The following TMEM132B variants were observed in gnomAD, a reference collection of about 807,000 sequenced individuals.
The protein encoded by TMEM132B is transmembrane protein 132B.
TMEM132B carries 18 observed loss-of-function variants against 90.8 expected under a neutral mutation model. That is an observed-to-expected ratio of 0.20 (90% CI 0.14 to 0.29). The LOEUF (loss-of-function observed/expected upper bound fraction) is 0.29, where lower values mean the gene tolerates loss of function less well. Ranked by LOEUF, TMEM132B falls within the 10% of genes least tolerant of loss-of-function variation. The pLI is 1.00. For missense variants in TMEM132B, 1,096 were observed against 1,326.8 expected, an observed-to-expected ratio of 0.83 and a Z score of 2.70; for synonymous variants, 504 against 523.3, an observed-to-expected ratio of 0.96 and a Z score of 0.50.
chr12:125,631,694 T>G (rs1886372160), intron 5 of TMEM132B, among the ~76,000 whole-genome samples: 1 of 152,154 alleles, frequency 6.6e-6, no homozygotes, highest in Admixed American at 6.5e-5. Flanking sequence ...TAGTTAAAAT[T>G]GTTATATCCT....
chr12:125,205,090 A>G (rs548897017), intron 1 of TMEM132B, among the ~76,000 whole-genome samples: 1 of 145,300 alleles, frequency 6.9e-6, no homozygotes, highest in African/African-American at 2.5e-5. Flanking sequence ...AATCCTTTCA[A>G]TGAGGGCTCC....
In TMEM132B at chr12:125,519,490, T is replaced by C; in HGVS notation, c.1158T>C (p.Asn386=). The C allele has an allele frequency of 6.2e-7, 1 of 1,614,108 alleles. No homozygotes were observed. Among genetic ancestry groups the C allele is most frequent in the South Asian group, 1.1e-5 (1 of 91,054 alleles). Residue 386 remains asparagine, a synonymous_variant, in exon 4 of 9, where the codon AAT becomes AAC. Transcript: ENST00000682704. ...TGCAAGTGGACTTTGGAATTGATAATAGCAGTGACCTGGCTGGGGCCCAGC... is the reference window on the plus strand; with the variant it reads ...TGCAAGTGGACTTTGGAATTGATAACAGCAGTGACCTGGCTGGGGCCCAGC... The part of the protein sequence containing the change: ...EILQVDFGID[N]SSDLAGAQQI...
At chr12:125,639,082 G>A (rs556331230) in intron 5 of TMEM132B, among the ~76,000 whole-genome samples, 38 of 152,226 alleles carry the variant, frequency 2.5e-4, no homozygotes, top group Non-Finnish European at 3.5e-4. Flanking sequence ...GAGCCCTGAA[G>A]GTATCAGTTA....
intron 1 of TMEM132B, among the ~76,000 whole-genome samples, chr12:125,286,040 C>T (rs544146905): frequency 9.9e-5 from 15 of 152,200 alleles, no homozygotes; most frequent in Non-Finnish European, 1.9e-4. Context: ...CCCATTAACT[C>T]GAAATGAATC....
chr12:125,230,991 C>G (rs1873807433), intron 1 of TMEM132B, among the ~76,000 whole-genome samples: 1 of 152,144 alleles, frequency 6.6e-6, no homozygotes, highest in South Asian at 2.1e-4. Flanking sequence ...TGCCACAAAT[C>G]TGGTGGCTTA....
chr12:125,565,819 G>C (rs532654461), intron 4 of TMEM132B, among the ~76,000 whole-genome samples: 2 of 152,210 alleles, frequency 1.3e-5, no homozygotes, highest in African/African-American at 2.4e-5. Flanking sequence ...TACAGGACAG[G>C]GGGGCATGGA....
chr12:125,405,379 C>G (rs1879439087), intron 2 of TMEM132B, among the ~76,000 whole-genome samples: 1 of 152,136 alleles, frequency 6.6e-6, no homozygotes, highest in South Asian at 2.1e-4. Context: ...CCAGGATGGT[C>G]TCATCTTGAG....
intron 1 of TMEM132B, among the ~76,000 whole-genome samples, chr12:125,278,069 G>A (rs1175272807): frequency 6.6e-6 from 1 of 152,204 alleles, no homozygotes; most frequent in Non-Finnish European, 1.5e-5. Context: ...TGGGATGGAA[G>A]TGTTGGAAAG....
At chr12:125,330,094 TG>T (rs1162205384) in intron 1 of TMEM132B, among the ~76,000 whole-genome samples, 7 of 152,196 alleles carry the variant, frequency 4.6e-5, no homozygotes, top group African/African-American at 1.7e-4. Flanking sequence ...GGTGTTGCTC[TG>T]GGTCACGGGA....
At chr12:125,482,756 A>G (rs1882082861) in intron 3 of TMEM132B, among the ~76,000 whole-genome samples, 1 of 152,202 alleles carries the variant, frequency 6.6e-6, no homozygotes, top group Non-Finnish European at 1.5e-5. Flanking sequence ...TATATACCCA[A>G]AGGATTGTAA....
At chr12:125,448,018 C>A (rs1881050557) in intron 3 of TMEM132B, among the ~76,000 whole-genome samples, 1 of 152,142 alleles carries the variant, frequency 6.6e-6, no homozygotes, top group Admixed American at 6.5e-5. Flanking sequence ...GTAATCCCAG[C>A]ACTTTGGAAG....
At chr12:125,414,045 G>A (rs1014160394) in intron 2 of TMEM132B, among the ~76,000 whole-genome samples, 3 of 152,180 alleles carry the variant, frequency 2.0e-5, no homozygotes, top group Admixed American at 6.5e-5. Context: ...TGGGTATTAA[G>A]TGGTATGTCA....
At chr12:125,443,020 T>C (rs11058173) in intron 3 of TMEM132B, among the ~76,000 whole-genome samples, 30,041 of 152,152 alleles carry the variant, frequency 0.2, 3,689 homozygotes, top group African/African-American at 0.35. Context: ...CAGACTTTCA[T>C]GTAGAATTAT....
chr12:125,188,813 T>C (rs1466479983), intron 1 of TMEM132B, among the ~76,000 whole-genome samples: 1 of 137,184 alleles, frequency 7.3e-6, no homozygotes, highest in Non-Finnish European at 1.5e-5. Context: ...GAGACGACAG[T>C]TTGATAACTC....
At chr12:125,283,571 C>G (rs1343538298) in intron 1 of TMEM132B, among the ~76,000 whole-genome samples, 3 of 152,124 alleles carry the variant, frequency 2.0e-5, no homozygotes, top group Non-Finnish European at 4.4e-5. Context: ...ACCATGAGTG[C>G]CAGTCTCTGT....
chr12:125,510,157 C>T (rs1882943088), intron 3 of TMEM132B, among the ~76,000 whole-genome samples: 1 of 151,962 alleles, frequency 6.6e-6, no homozygotes, highest in Non-Finnish European at 1.5e-5. Context: ...GGGCTTGTCA[C>T]GGTGATGCTG....
chr12:125,337,183 T>C (rs373074247), intron 1 of TMEM132B, among the ~76,000 whole-genome samples: 2 of 152,234 alleles, frequency 1.3e-5, no homozygotes, highest in African/African-American at 2.4e-5. Flanking sequence ...GGAAGTGCTA[T>C]GCCATTTGTT....
intron 1 of TMEM132B, among the ~76,000 whole-genome samples, chr12:125,216,466 CA>C (rs1873440774): frequency 6.6e-6 from 1 of 152,156 alleles, no homozygotes; most frequent in African/African-American, 2.4e-5. Context: ...GAGGTGAACA[CA>C]AAACTTCATT....
rs571589177 is a variant in TMEM132B, at chr12:125,231,235, G to A, written c.67+44369G>A. On this transcript the variant is annotated intron_variant, in intron 1 of 8. Transcript: ENST00000682704. ...TGTGTGTGTGTGTGTGTGTGTGTGT[G>A]TGTATATCTGTGTCCTGCTCCTCTT... Among the ~76,000 whole-genome samples the A allele has an allele frequency of 3.7e-3, 559 of 150,646 alleles. 4 individuals carry two copies. Among genetic ancestry groups the A allele is most frequent in the African/African-American group, 0.012 (477 of 40,360 alleles).
Sources: allele counts gnomAD v4.1 joint callset (sites outside exome capture counted in the v4.1 genomes callset), GRCh38; gene constraint gnomAD v4.1.1; transcripts MANE v1.5; gene names NCBI Gene and HGNC (gene_info 2026-07-23, HGNC 2026-07-21).